The following EIF4G3 variants were observed in gnomAD, a reference collection of about 807,000 sequenced individuals.
EIF4G3 encodes the protein eIF-4-gamma 3.
In EIF4G3, 34 loss-of-function variants were observed where a neutral mutation model predicts 186.4. That is an observed-to-expected ratio of 0.18 (90% CI 0.14 to 0.24). The LOEUF is 0.24. Among genes scored for constraint, EIF4G3 ranks in the 10% least tolerant of loss-of-function variants. The pLI, the probability that EIF4G3 is intolerant of heterozygous loss-of-function variation, is 1.00. For synonymous variants in EIF4G3, 673 were observed against 679.5 expected, an observed-to-expected ratio of 0.99 and a Z score of 0.15; for missense variants, 1,536 against 1,948.5, an observed-to-expected ratio of 0.79 and a Z score of 3.99.
chr1:20,901,622 A>G (rs141817590), intron 15 of EIF4G3, among the ~76,000 whole-genome samples: 166 of 152,344 alleles, frequency 1.1e-3, no homozygotes, highest in African/African-American at 3.9e-3. Context: ...AAGTATAAAG[A>G]AACTAGTTCT....
At chr1:20,933,266 C>T (rs376438112) in intron 14 of EIF4G3, among the ~76,000 whole-genome samples, 3 of 152,110 alleles carry the variant, frequency 2.0e-5, no homozygotes, top group East Asian at 1.9e-4. Flanking sequence ...AAACTGGGAC[C>T]AAGGAAATGA....
intron 10 of EIF4G3, among the ~76,000 whole-genome samples, chr1:20,974,765 A>T (rs912650579): frequency 6.6e-6 from 1 of 152,170 alleles, no homozygotes; most frequent in Non-Finnish European, 1.5e-5. Context: ...AAAATTGTCA[A>T]TGTGGGAAAG....
At position 20,899,866 on chromosome 1, in the gene EIF4G3, A is replaced by G. The variant is rs781068462; in HGVS notation, c.1830T>C (p.Pro610=). 3.7e-6 allele frequency: 6 copies of G among 1,614,084 alleles called. No individual in the cohort carries two copies. Among genetic ancestry groups the G allele is most frequent in the Non-Finnish European group, 5.1e-6 (6 of 1,179,984 alleles). ...TTTTTAGGTCAGAGGGGTCTCTTTC[A>G]GGATGAAACCCCTGGCTCATTTTAT... ...EQDKMSQGFH[P]ERDPSDLKKV... is the part of the protein sequence containing the mutation. Residue 610 remains proline, a synonymous_variant, in exon 16 of 37, where the codon CCT becomes CCC. Transcript: ENST00000602326.
At chr1:20,944,016 G>GTA (rs2095836601) in intron 13 of EIF4G3, among the ~76,000 whole-genome samples, 1 of 149,576 alleles carries the variant, frequency 6.7e-6, no homozygotes, top group South Asian at 2.1e-4. Context: ...GTGTGTGTGT[G>GTA]TGTGTGTGTG....
intron 3 of EIF4G3, among the ~76,000 whole-genome samples, chr1:21,076,466 GGA>G (rs1292320098): frequency 2.6e-5 from 4 of 151,678 alleles, no homozygotes; most frequent in Non-Finnish European, 4.4e-5. Context: ...CTCCAGCCTG[GGA>G]GAGAGAGCAA....
At chr1:20,957,545 C>G (rs1414526084) in intron 12 of EIF4G3, among the ~76,000 whole-genome samples, 1 of 140,996 alleles carries the variant, frequency 7.1e-6, no homozygotes, top group East Asian at 2.1e-4. Flanking sequence ...AAAGAAATAA[C>G]AGAAATTGCA....
chr1:20,913,996 G>A (rs1419086115), intron 14 of EIF4G3, among the ~76,000 whole-genome samples: 1 of 151,674 alleles, frequency 6.6e-6, no homozygotes, highest in African/African-American at 2.4e-5. Flanking sequence ...TTTTAGTAGA[G>A]ACGGGGTTTC....
chr1:20,924,411 T>A (rs564237104), intron 14 of EIF4G3, among the ~76,000 whole-genome samples: 2 of 152,352 alleles, frequency 1.3e-5, no homozygotes, highest in South Asian at 4.1e-4. Flanking sequence ...TCCGCATTTA[T>A]ATTACTGAAG....
rs551190833 is a variant in EIF4G3 at position 21,168,257 on chromosome 1, T to A, written c.-272+7918A>T. On this transcript the variant is annotated intron_variant, in intron 2 of 36. Transcript: ENST00000602326. ...CGTCTCTACTAAAAATACAAAAAAT[T>A]AGCCGGTCGTGGTGGAGGGCACCTG... 1.1e-3 allele frequency among the ~76,000 whole-genome samples: 165 copies of A among 151,688 alleles called. 2 individuals carry two copies. Among genetic ancestry groups the A allele is most frequent in the African/African-American group, 3.5e-3 (147 of 41,416 alleles).
intron 2 of EIF4G3, among the ~76,000 whole-genome samples, chr1:21,102,947 C>T (rs1466747938): frequency 6.6e-6 from 1 of 152,064 alleles, no homozygotes; most frequent in Non-Finnish European, 1.5e-5. Context: ...CCTATTAAAC[C>T]ACCTTTACTA....
chr1:20,987,061 C>T (rs2079731891), intron 7 of EIF4G3, among the ~76,000 whole-genome samples: 1 of 152,144 alleles, frequency 6.6e-6, no homozygotes, highest in Non-Finnish European at 1.5e-5. Flanking sequence ...TTCCCAGAAA[C>T]ACTCTAGAAG....
intron 2 of EIF4G3, among the ~76,000 whole-genome samples, chr1:21,094,937 C>T (rs979835682): frequency 6.6e-6 from 1 of 152,066 alleles, no homozygotes; most frequent in African/African-American, 2.4e-5. Flanking sequence ...ATCCCTCGAG[C>T]CCAAATATTC....
At chr1:20,902,541 A>G (rs2154556888) in intron 15 of EIF4G3, among the ~76,000 whole-genome samples, 1 of 152,328 alleles carries the variant, frequency 6.6e-6, no homozygotes, top group Admixed American at 6.5e-5. Flanking sequence ...ATGCCAACAA[A>G]AGCTCAGTTT....
At chr1:21,123,599 T>C (rs2096967338) in intron 2 of EIF4G3, among the ~76,000 whole-genome samples, 2 of 150,370 alleles carry the variant, frequency 1.3e-5, no homozygotes, top group Non-Finnish European at 1.5e-5. Flanking sequence ...AAAGTATTAA[T>C]AGATCAGAGC....
intron 3 of EIF4G3, among the ~76,000 whole-genome samples, chr1:21,075,677 T>C (rs1051882582): frequency 1.4e-5 from 2 of 143,488 alleles, no homozygotes; most frequent in Middle Eastern, 8.1e-3. Flanking sequence ...GTAGTAGCTA[T>C]ACTACTCCTG....
intron 2 of EIF4G3, among the ~76,000 whole-genome samples, chr1:21,151,993 T>C (rs2097559048): frequency 6.6e-6 from 1 of 152,104 alleles, no homozygotes; most frequent in South Asian, 2.1e-4. Context: ...GTGAAACCAA[T>C]TCCATGAGGT....
intron 13 of EIF4G3, among the ~76,000 whole-genome samples, chr1:20,942,813 T>C (rs1352956534): frequency 6.6e-6 from 1 of 152,180 alleles, no homozygotes; most frequent in Non-Finnish European, 1.5e-5. Context: ...ATTTTTGTAT[T>C]TGGGGAGATA....
At chr1:21,076,002 A>G (rs1233616257) in intron 3 of EIF4G3, among the ~76,000 whole-genome samples, 1 of 152,204 alleles carries the variant, frequency 6.6e-6, no homozygotes, top group Non-Finnish European at 1.5e-5. Context: ...AAGACACCTA[A>G]CAGACATTTA....
Position 21,033,603 on chromosome 1 carries a change from AT to A in EIF4G3, c.-67+17262del, listed in dbSNP as rs2092928429. 2.0e-5 allele frequency among the ~76,000 whole-genome samples: 3 copies of A among 152,364 alleles called. No homozygotes were observed. In the South Asian group the frequency reaches 6.2e-4, roughly 32 times the overall value. On this transcript the variant is annotated intron_variant, in intron 4 of 36. Coordinates refer to ENST00000602326, the MANE Select transcript of EIF4G3 (RefSeq NM_001391906.1). ...TGGAATAAGGTTCAATTTATGAAAG[AT>A]CTCACAATTAGTAAGTGATAGAACT...
Sources: allele counts gnomAD v4.1 joint callset (sites outside exome capture counted in the v4.1 genomes callset), GRCh38; gene constraint gnomAD v4.1.1; transcripts MANE v1.5; gene names NCBI Gene and HGNC (gene_info 2026-07-23, HGNC 2026-07-21).